Variants in COPG2 observed in about 807,000 individuals in gnomAD.
The protein encoded by COPG2 is coatomer subunit gamma-2.
In COPG2, 37 loss-of-function variants were observed where a neutral mutation model predicts 46.3. The ratio of observed to expected loss-of-function variants is 0.80; its 90% CI spans 0.61 to 1.05. The LOEUF is 1.05. COPG2 is among the 50% of genes least tolerant of loss of function. COPG2 has a pLI of 0.00. For missense variants in COPG2, 427 were observed against 387.8 expected (o/e 1.10, Z -0.85); for synonymous variants, 159 against 129.7 (o/e 1.23, Z -1.53).
chr7:130,581,965 A>G (rs1794154903), intron 9 of COPG2, among the ~76,000 whole-genome samples: 1 of 152,116 alleles, frequency 6.6e-6, no homozygotes, highest in Non-Finnish European at 1.5e-5. Context: ...TAAAGCTACC[A>G]ATGACTTTCT....
chr7:130,543,312 G>A (rs1793374348), intron 20 of COPG2, among the ~76,000 whole-genome samples: 1 of 152,212 alleles, frequency 6.6e-6, no homozygotes, highest in Non-Finnish European at 1.5e-5. Flanking sequence ...ATTTAGGAAT[G>A]TCAGAGTTGG....
intron 9 of COPG2, among the ~76,000 whole-genome samples, chr7:130,601,146 T>C (rs781963589): frequency 1.5e-4 from 23 of 152,156 alleles, no homozygotes; most frequent in Non-Finnish European, 2.8e-4. Flanking sequence ...AGAATGGCAA[T>C]CATTAAAAAG....
intron 20 of COPG2, among the ~76,000 whole-genome samples, chr7:130,518,758 C>G (rs1472392571): frequency 6.6e-5 from 10 of 152,106 alleles, no homozygotes; most frequent in Non-Finnish European, 1.3e-4. Context: ...AATCCCAACA[C>G]TCTGGGAGGC....
At chr7:130,650,718 A>T (rs11972315) in intron 5 of COPG2, among the ~76,000 whole-genome samples, 17,673 of 152,192 alleles carry the variant, frequency 0.12, 1,199 homozygotes, top group East Asian at 0.22. Flanking sequence ...AGTGAAATCT[A>T]AAAATTGCCT....
At chr7:130,609,537 T>G (rs1476016468) in intron 9 of COPG2, among the ~76,000 whole-genome samples, 4 of 152,242 alleles carry the variant, frequency 2.6e-5, no homozygotes, top group Non-Finnish European at 5.9e-5. Context: ...GGGTATGTCT[T>G]TATCAGCAGC....
rs574268838 is a variant in COPG2, at chr7:130,667,061, A to G, written c.91-132T>C. 1.0e-5 allele frequency: 6 copies of G among 589,042 alleles called. No homozygotes were observed. The East Asian group carries it at 1.8e-4, about 17-fold the overall frequency. 36.5% of individuals were successfully genotyped at this position (589,042 alleles called of 1,614,324 possible). A position where few individuals can be genotyped will look rare whatever the true frequency, so the allele number is the denominator to read the frequency against. On this transcript the variant is annotated intron_variant, in intron 2 of 23. Transcript: ENST00000425248. ...ATTGTCTATAGTTCTCAATTTACTA[A>G]GGTATCTGATAAATTATTACACGTG...
At chr7:130,630,206 C>T (rs1047794816) in intron 5 of COPG2, among the ~76,000 whole-genome samples, 52 of 152,104 alleles carry the variant, frequency 3.4e-4, no homozygotes, top group African/African-American at 1.2e-3. Context: ...CCACCGCACC[C>T]GGCCCCTATT....
chr7:130,598,537 T>C (rs1000285996), intron 9 of COPG2, among the ~76,000 whole-genome samples: 3 of 152,148 alleles, frequency 2.0e-5, no homozygotes, highest in Admixed American at 6.5e-5. Context: ...TGTCAAACAA[T>C]AGGAGGCTAT....
chr7:130,611,237 AT>A (rs55756807), intron 8 of COPG2, 127 bp from the exon 9 acceptor site: 6 of 842,724 alleles, frequency 7.1e-6, no homozygotes, highest in African/African-American at 1.7e-5. Flanking sequence ...GTACACAAAT[AT>A]TTTTTTCACA....
At chr7:130,646,946 T>C (rs1795608645) in intron 5 of COPG2, among the ~76,000 whole-genome samples, 2 of 103,588 alleles carry the variant, frequency 1.9e-5, no homozygotes, top group African/African-American at 1.4e-4. Context: ...TATATACGTA[T>C]ATATATATAT....
At chr7:130,603,072 C>G (rs1277670995) in intron 9 of COPG2, among the ~76,000 whole-genome samples, 1 of 152,132 alleles carries the variant, frequency 6.6e-6, no homozygotes, top group Non-Finnish European at 1.5e-5. Context: ...AACCCCTGAC[C>G]TGCAAAAATT....
In COPG2 at chr7:130,551,203, T is replaced by G. The variant is rs1323516088; in HGVS notation, c.1648+38A>C. 1.0e-5 allele frequency: 4 copies of G among 398,368 alleles called. No individual in the cohort carries two copies. The Admixed American group carries it at 1.3e-4, about 13-fold the overall frequency. 24.7% of individuals were successfully genotyped at this position (398,368 alleles called of 1,614,324 possible). ...ATAAAATATGCTTCCAAGACACCATTTGAGGAACAAAAGTGTACATCCTTG... is the reference window on the plus strand; with the variant it reads ...ATAAAATATGCTTCCAAGACACCATGTGAGGAACAAAAGTGTACATCCTTG... On this transcript the variant is annotated intron_variant, in intron 16 of 23. Coordinates refer to ENST00000425248, the MANE Select transcript of COPG2 (RefSeq NM_012133.6).
chr7:130,572,484 A>G (rs1399200086), intron 9 of COPG2, among the ~76,000 whole-genome samples: 1 of 152,162 alleles, frequency 6.6e-6, no homozygotes, highest in African/African-American at 2.4e-5. Context: ...ATCTCAATAC[A>G]TTTAAAATGA....
intron 9 of COPG2, among the ~76,000 whole-genome samples, chr7:130,579,299 G>A (rs1554446785): frequency 6.7e-6 from 1 of 148,178 alleles, no homozygotes; most frequent in African/African-American, 2.5e-5. Context: ...AGCAAATGCT[G>A]AGAGATTTTG....
chr7:130,554,609 TCA>T lies in COPG2; in HGVS notation c.1338_1339del (p.Cys446Ter). On this transcript the variant is annotated stop_gained and frameshift_variant, in exon 14 of 24. Coordinates refer to ENST00000425248, the MANE Select transcript of COPG2 (RefSeq NM_012133.6). LOFTEE classifies it high-confidence loss of function. ...AATCTTAGTAGCCAGAACAGTGTGT[TCA>T]CAGTCCTCAATGAATTCACAAAGGT... 2.5e-6 allele frequency: 1 copy of T among 398,528 alleles called. No homozygotes were observed. Among genetic ancestry groups the T allele is most frequent in the Non-Finnish European group, 4.4e-6 (1 of 226,048 alleles). 24.7% of individuals were successfully genotyped at this position (398,528 alleles called of 1,614,324 possible). A position where few individuals can be genotyped will look rare whatever the true frequency, so the allele number is the denominator to read the frequency against.
chr7:130,527,134 C>A (rs1165307546), intron 20 of COPG2, among the ~76,000 whole-genome samples: 1 of 115,260 alleles, frequency 8.7e-6, no homozygotes, highest in East Asian at 3.3e-4. Context: ...AAACAGGAAG[C>A]CCCTGGAAGG....
chr7:130,653,864 CAGAA>C (rs1417860439), intron 4 of COPG2, among the ~76,000 whole-genome samples: 3 of 151,906 alleles, frequency 2.0e-5, no homozygotes, highest in Admixed American at 1.3e-4. Flanking sequence ...AAAACACACA[CAGAA>C]AGCCAGTATA....
intron 5 of COPG2, among the ~76,000 whole-genome samples, chr7:130,640,382 A>G: frequency 6.6e-6 from 1 of 151,600 alleles, no homozygotes; most frequent in East Asian, 1.9e-4. Context: ...TATATTTACT[A>G]TTTGGAGGCT....
chr7:130,511,349 A>G (rs1223296484), intron 20 of COPG2: 4 of 510,902 alleles, frequency 7.8e-6, no homozygotes, highest in African/African-American at 7.7e-5. Flanking sequence ...GCAGCAGTCT[A>G]TGCAGGTCTG....
Sources: gnomAD v4.1 joint callset for allele counts (sites outside exome capture counted in the v4.1 genomes callset) on GRCh38, gnomAD v4.1.1 for gene constraint, MANE v1.5 for transcripts, NCBI Gene and HGNC (gene_info 2026-07-23, HGNC 2026-07-21) for gene names.